Variants in DNTT observed in about 807,000 individuals in gnomAD.
The protein encoded by DNTT is DNA nucleotidylexotransferase.
DNTT carries 47 observed loss-of-function variants against 60.9 expected under a neutral mutation model. The observed-to-expected ratio is 0.77, with a 90% CI of 0.61 to 0.98. The LOEUF (loss-of-function observed/expected upper bound fraction) is 0.98, where lower values mean the gene tolerates loss of function less well. Among genes scored for constraint, DNTT ranks in the 50% least tolerant of loss-of-function variants. The pLI is 0.00. For missense variants in DNTT, 665 were observed against 627.5 expected (o/e 1.06, Z -0.64); for synonymous variants, 224 against 221.2 (o/e 1.01, Z -0.11).
At chr10:96,322,129 C>A (rs1225326303) in intron 4 of DNTT, among the ~76,000 whole-genome samples, 3 of 152,100 alleles carry the variant, frequency 2.0e-5, no homozygotes, top group Non-Finnish European at 2.9e-5. Flanking sequence ...AGGGATTCCC[C>A]AGCAAAGCAA....
chr10:96,338,160 G>C lies in DNTT; in HGVS notation c.1466G>C (p.Ser489Thr). ...KTKRIFLKAE[S>T]EEEIFAHLGL... Reference sequence around the variant, plus strand: ...CAGAGGATATTCCTCAAAGCAGAAAGTGAAGAAGAAATTTTTGCGCATCTG... The same window carrying C: ...CAGAGGATATTCCTCAAAGCAGAAACTGAAGAAGAAATTTTTGCGCATCTG... Residue 489 changes from serine to threonine, a missense_variant, in exon 11 of 11, where the codon AGT becomes ACT. Transcript: ENST00000371174. 1 of 1,613,324 alleles carries C rather than the reference G, an allele frequency of 6.2e-7. No individual in the cohort carries two copies. The highest frequency in any genetic ancestry group is 2.2e-5 in the East Asian group (1 of 44,824).
At chr10:96,312,002 C>T (rs1294464799) in intron 1 of DNTT, among the ~76,000 whole-genome samples, 1 of 152,098 alleles carries the variant, frequency 6.6e-6, no homozygotes, top group Admixed American at 6.6e-5. Context: ...TAGCCTTGTT[C>T]TAAGGAATAA....
At chr10:96,328,050 T>C (rs1844959682) in intron 7 of DNTT, among the ~76,000 whole-genome samples, 1 of 152,224 alleles carries the variant, frequency 6.6e-6, no homozygotes, top group Admixed American at 6.5e-5. Context: ...TTTGTAGAGC[T>C]TAGTTCTCAG....
chr10:96,334,012 T>C (rs1282932973), intron 9 of DNTT, among the ~76,000 whole-genome samples: 2 of 152,232 alleles, frequency 1.3e-5, no homozygotes, highest in Non-Finnish European at 2.9e-5. Flanking sequence ...TTTGAGGTGA[T>C]GGACATGCTA....
intron 10 of DNTT, among the ~76,000 whole-genome samples, chr10:96,337,559 C>T (rs986887403): frequency 6.6e-6 from 1 of 152,194 alleles, no homozygotes; most frequent in Admixed American, 6.5e-5. Flanking sequence ...AAGCAAGTAC[C>T]TTCTATGTGC....
intron 8 of DNTT, among the ~76,000 whole-genome samples, chr10:96,331,252 C>T (rs189234228): frequency 2.0e-5 from 3 of 152,314 alleles, no homozygotes; most frequent in East Asian, 1.9e-4. Flanking sequence ...CCAGCCACAA[C>T]GCTTTTGGCT....
At chr10:96,306,957 A>C (rs55831230) in intron 1 of DNTT, among the ~76,000 whole-genome samples, 5 of 152,224 alleles carry the variant, frequency 3.3e-5, no homozygotes, top group African/African-American at 9.6e-5. Flanking sequence ...TACGAAATTT[A>C]GAAACCTCAA....
chr10:96,327,678 G>A (rs1844954732), intron 7 of DNTT, 78 bp downstream of exon 7: 6 of 1,536,016 alleles, frequency 3.9e-6, no homozygotes, highest in Non-Finnish European at 4.4e-6. Flanking sequence ...ATCTGAAACG[G>A]CACAAAAGGC....
chr10:96,322,085 G>T (rs373685346), intron 4 of DNTT, among the ~76,000 whole-genome samples: 1 of 152,144 alleles, frequency 6.6e-6, no homozygotes, highest in Non-Finnish European at 1.5e-5. Flanking sequence ...CAGGGAGAGC[G>T]CCAGAGGTTG....
Position 96,306,561 on chromosome 10 carries a change from A to G in DNTT, c.203+1861A>G, listed in dbSNP as rs1246375651. The G allele has an allele frequency of 2.0e-5, 3 of 152,296 alleles. No individual in the cohort carries two copies. In the East Asian group the frequency reaches 5.8e-4, roughly 29 times the overall value. The allele number at this position is 152,296 out of a possible 1,614,324, so 9.4% of individuals were successfully genotyped here. On this transcript the variant is annotated intron_variant, in intron 1 of 10. Transcript: ENST00000371174. ...GCTTCCAGCAAGGACCCGCTGATTTATTATAGACACAGCAATGAATACATA... is the reference window on the plus strand; with the variant it reads ...GCTTCCAGCAAGGACCCGCTGATTTGTTATAGACACAGCAATGAATACATA...
intron 1 of DNTT, among the ~76,000 whole-genome samples, chr10:96,307,777 A>ATATATATATATATAT (rs768634575): frequency 7.9e-6 from 1 of 126,020 alleles, no homozygotes; most frequent in African/African-American, 3.1e-5. Flanking sequence ...ATATATATAT[A>ATATATATATATATAT]TTTTTTTTTT....
In DNTT at chr10:96,318,342, C is replaced by A. The variant is rs769468089; in HGVS notation, c.204-10C>A. ...TGTTTCAGCTGGTAACTCTGTCTTGCATTTTGCAGTGATTCTGTCACCCAC... is the reference window on the plus strand; with the variant it reads ...TGTTTCAGCTGGTAACTCTGTCTTGAATTTTGCAGTGATTCTGTCACCCAC... On this transcript the variant is annotated splice_polypyrimidine_tract_variant and intron_variant, in intron 1 of 10. Coordinates refer to ENST00000371174, the MANE Select transcript of DNTT (RefSeq NM_004088.4). 3.7e-6 allele frequency: 6 copies of A among 1,603,548 alleles called. No homozygotes were observed. The highest frequency in any genetic ancestry group is 4.3e-6 in the Non-Finnish European group (5 of 1,173,372).
At chr10:96,308,466 G>C (rs79789998) in intron 1 of DNTT, among the ~76,000 whole-genome samples, 1 of 152,112 alleles carries the variant, frequency 6.6e-6, no homozygotes, top group Admixed American at 6.5e-5. Context: ...TTTGCCACCC[G>C]GGTCAAGCTG....
intron 10 of DNTT, among the ~76,000 whole-genome samples, chr10:96,337,857 G>A (rs1421806397): frequency 6.6e-6 from 1 of 152,176 alleles, no homozygotes; most frequent in Non-Finnish European, 1.5e-5. Flanking sequence ...CCATCAGGTT[G>A]TTCTAATAAA....
At chr10:96,327,640 C>T (rs1486387546) in intron 7 of DNTT, 40 bp downstream of exon 7, 7 of 1,583,448 alleles carry the variant, frequency 4.4e-6, no homozygotes, top group Middle Eastern at 2.2e-4. Context: ...TGCCCGAATA[C>T]TTCAGTGGCT....
chr10:96,320,051 T>C (rs1844847595), intron 3 of DNTT, among the ~76,000 whole-genome samples: 1 of 152,232 alleles, frequency 6.6e-6, no homozygotes, highest in African/African-American at 2.4e-5. Context: ...TCCAGCTCCA[T>C]GTCTGTGTTG....
chr10:96,320,923 C>G (rs1844862197), intron 4 of DNTT, 135 bp downstream of exon 4: 5 of 963,494 alleles, frequency 5.2e-6, no homozygotes, highest in Non-Finnish European at 7.5e-6. Context: ...ATACATATTC[C>G]TCTCTCTCTC....
intron 8 of DNTT, among the ~76,000 whole-genome samples, chr10:96,330,388 T>G (rs1844992332): frequency 6.6e-6 from 1 of 152,082 alleles, no homozygotes; most frequent in African/African-American, 2.4e-5. Context: ...GTTCATATGT[T>G]TTATATCTCC....
chr10:96,328,000 G>A (rs1844958747), intron 7 of DNTT, among the ~76,000 whole-genome samples: 1 of 152,106 alleles, frequency 6.6e-6, no homozygotes, highest in South Asian at 2.1e-4. Context: ...GATCCACATA[G>A]TTACAGTGAT....
Sources: gnomAD v4.1 joint callset for allele counts (sites outside exome capture counted in the v4.1 genomes callset) on GRCh38, gnomAD v4.1.1 for gene constraint, MANE v1.5 for transcripts, NCBI Gene and HGNC (gene_info 2026-07-23, HGNC 2026-07-21) for gene names.